The following CD34 variants were observed in gnomAD, a reference collection of about 807,000 sequenced individuals.
CD34 encodes the protein CD34 molecule.
In CD34, 34 loss-of-function variants were observed where a neutral mutation model predicts 40.1. The ratio of observed to expected loss-of-function variants is 0.85; its 90% CI spans 0.65 to 1.13. The LOEUF is 1.13. Among genes scored for constraint, CD34 ranks in the 50% most tolerant of loss-of-function variants. CD34 has a pLI of 0.00. For missense variants in CD34, 426 were observed against 466.9 expected (o/e 0.91, Z 0.81); for synonymous variants, 209 against 190.0 (o/e 1.10, Z -0.82).
intron 1 of CD34, among the ~76,000 whole-genome samples, 193 bp downstream of exon 1, chr1:207,910,809 C>T (rs1662494145): frequency 6.6e-6 from 1 of 152,124 alleles, no homozygotes; most frequent in Non-Finnish European, 1.5e-5. Flanking sequence ...GATGGCCTTC[C>T]CTTCCCCTCC....
chr1:207,903,357 T>A (rs1662316066), intron 1 of CD34, among the ~76,000 whole-genome samples: 1 of 152,208 alleles, frequency 6.6e-6, no homozygotes, highest in South Asian at 2.1e-4. Context: ...TGAGAGCTTG[T>A]CACATCCTAA....
chr1:207,899,202 G>A lies in CD34; in HGVS notation c.287C>T (p.Thr96Ile), dbSNP rs1355231401. 6.2e-7 allele frequency: 1 copy of A among 1,614,148 alleles called. No homozygotes were observed. Among genetic ancestry groups the A allele is most frequent in the Admixed American group, 1.7e-5 (1 of 60,024 alleles). The change falls in exon 3 of 8, where the codon ACC (threonine) becomes ATC (isoleucine). Residue 96 changes from threonine (T) to isoleucine (I), a missense_variant. By Grantham distance (89) the Thr-to-Ile change is moderately conservative. Transcript: ENST00000310833. Reference protein sequence around the residue: ...ITETTVKFTSTSVITSVYGNT... With the variant: ...ITETTVKFTSISVITSVYGNT... The stretch of plus-strand genomic sequence containing the variant: ...TCCATAAACTGAGGTTATCACAGAG[G>A]TAGATGTGAATTTGACTGTCGTTTC...
intron 4 of CD34, among the ~76,000 whole-genome samples, chr1:207,896,978 TCAA>T (rs1264805825): frequency 2.0e-5 from 3 of 152,128 alleles, no homozygotes; most frequent in Non-Finnish European, 2.9e-5. Flanking sequence ...AGGGAGTCAT[TCAA>T]CAAATAATGT....
At chr1:207,898,495 G>T (rs1662197548) in intron 3 of CD34, among the ~76,000 whole-genome samples, 1 of 152,206 alleles carries the variant, frequency 6.6e-6, no homozygotes, top group Non-Finnish European at 1.5e-5. Flanking sequence ...TCCCTGGTCT[G>T]CCCAGTTCCT....
chr1:207,897,647 C>G, intron 3 of CD34, 74 bp from the exon 4 acceptor site: 3 of 1,247,702 alleles, frequency 2.4e-6, no homozygotes, highest in Non-Finnish European at 3.4e-6. Context: ...TCTTTCCCAA[C>G]TTTTTCCAGT....
Position 207,883,805 on chromosome 1 carries a change from CT to C in CD34, c.*3932del, listed in dbSNP as rs1277358445. On this transcript the variant is annotated 3_prime_UTR_variant, in exon 8 of 8. Transcript: ENST00000310833. ...TCCTGTTACCTCTACTTTGAAACCA[CT>C]TTTTGAATTCTGCTTGATCTCATCA... 6.6e-6 allele frequency: 1 copy of C among 152,142 alleles called. No homozygotes were observed. The highest frequency in any genetic ancestry group is 1.5e-5 in the Non-Finnish European group (1 of 68,024). The allele number at this position is 152,142 out of a possible 1,614,324, so 9.4% of individuals were successfully genotyped here.
At chr1:207,897,426 G>C in intron 4 of CD34, 67 bp downstream of exon 4, 1 of 1,162,296 alleles carries the variant, frequency 8.6e-7, no homozygotes, top group Middle Eastern at 2.5e-4. Context: ...AGGTTTAAGG[G>C]TGTTCAGAAG....
In CD34 at chr1:207,889,575, C is replaced by CT. The variant is rs1558117799; in HGVS notation, c.643_644insA (p.Cys215Ter). 6.2e-7 allele frequency: 1 copy of CT among 1,614,214 alleles called. No individual in the cohort carries two copies. The highest frequency in any genetic ancestry group is 1.1e-5 in the South Asian group (1 of 91,080). The change falls in exon 5 of 8, where the codon TGT becomes TAGT. Residue 215 changes from cysteine (C) to a stop codon, truncating the protein, a stop_gained and frameshift_variant. Transcript: ENST00000310833. LOFTEE classifies it high-confidence loss of function. ...ATCAGCATCAGCCTGCTCCTCCCCA[C>CT]ACAGCACTCGGGCCAGGCCCTCTCC... ...DRGEGLARVL[C>*]GEEQADADAG...
intron 4 of CD34, among the ~76,000 whole-genome samples, chr1:207,896,429 T>C (rs1279894691): frequency 1.3e-5 from 2 of 152,186 alleles, no homozygotes; most frequent in East Asian, 3.8e-4. Context: ...CAATATATTG[T>C]AGTAGATAAC....
At position 207,897,597 on chromosome 1, in the gene CD34, C is replaced by T. The variant is rs1278267079; in HGVS notation, c.517-24G>A. ...GCCTGTATTAAAACAAAAACAATAA[C>T]AAAAACAAAGTAAATAAGCCAGTAT... On this transcript the variant is annotated intron_variant, in intron 3 of 7. Transcript: ENST00000310833. 8 of 1,527,578 alleles carry T rather than the reference C, an allele frequency of 5.2e-6. No individual in the cohort carries two copies. In the South Asian group the frequency reaches 8.4e-5, roughly 16 times the overall value. 94.6% of individuals were successfully genotyped at this position (1,527,578 alleles called of 1,614,324 possible).
chr1:207,901,156 C>T (rs1455142826), intron 1 of CD34, among the ~76,000 whole-genome samples: 1 of 152,140 alleles, frequency 6.6e-6, no homozygotes, highest in African/African-American at 2.4e-5. Context: ...AGATGTTACT[C>T]ACCATTCCCA....
chr1:207,899,141 T>C lies in CD34; in HGVS notation c.348A>G (p.Val116=). The change falls in exon 3 of 8, where the codon GTA becomes GTG. Residue 116 remains valine (V), a synonymous_variant. Transcript: ENST00000310833. ...CTGGGGTGGTGAACACTGTGCTGATTACAGAGGTCTGTGACTGGACAGAAG... is the reference window on the plus strand; with the variant it reads ...CTGGGGTGGTGAACACTGTGCTGATCACAGAGGTCTGTGACTGGACAGAAG... The part of the protein sequence containing the change: ...TNSSVQSQTS[V]ISTVFTTPAN... 4 of 1,614,204 alleles carry C rather than the reference T, an allele frequency of 2.5e-6. No individual in the cohort carries two copies. Among genetic ancestry groups the C allele is most frequent in the Non-Finnish European group, 3.4e-6 (4 of 1,180,000 alleles).
At chr1:207,901,273 C>T (rs1662266897) in intron 1 of CD34, among the ~76,000 whole-genome samples, 2 of 152,214 alleles carry the variant, frequency 1.3e-5, no homozygotes, top group South Asian at 4.1e-4. Context: ...TCAGGATGTA[C>T]CCTCTCTTCT....
In CD34 at chr1:207,883,909, C is replaced by T. The variant is rs1661851617; in HGVS notation, c.*3829G>A. 6.6e-6 allele frequency: 1 copy of T among 152,120 alleles called. No individual in the cohort carries two copies. The highest frequency in any genetic ancestry group is 2.1e-4 in the South Asian group (1 of 4,828). 9.4% of individuals were successfully genotyped at this position (152,120 alleles called of 1,614,324 possible). A position where few individuals can be genotyped will look rare whatever the true frequency, so the allele number is the denominator to read the frequency against. On this transcript the variant is annotated 3_prime_UTR_variant, in exon 8 of 8. Transcript: ENST00000310833. ...TCCTTCTACTTTCTTATCCCTCAAC[C>T]TCTATTCTCTACTCAGCAGCCAGCA...
intron 4 of CD34, 74 bp downstream of exon 4, chr1:207,897,419 T>C: frequency 6.3e-6 from 7 of 1,107,216 alleles, no homozygotes; most frequent in Non-Finnish European, 9.4e-6. Context: ...TCCAAGAAGG[T>C]TTAAGGGTGT....
At chr1:207,895,124 A>G (rs929776436) in intron 4 of CD34, among the ~76,000 whole-genome samples, 1 of 152,218 alleles carries the variant, frequency 6.6e-6, no homozygotes, top group Non-Finnish European at 1.5e-5. Context: ...TCTGACACCG[A>G]AAGTACAAAT....
At chr1:207,892,448 G>A (rs2473652) in intron 4 of CD34, among the ~76,000 whole-genome samples, 36,265 of 151,876 alleles carry the variant, frequency 0.24, 5,077 homozygotes, top group Non-Finnish European at 0.33. Flanking sequence ...GCATGGTGGT[G>A]GGCATCTGTA....
intron 4 of CD34, chr1:207,889,937 GCCAA>G: frequency 6.8e-7 from 1 of 1,471,208 alleles, no homozygotes; most frequent in African/African-American, 1.5e-5. Context: ...AAAAGAAATG[GCCAA>G]AAACAGAAAA....
intron 4 of CD34, among the ~76,000 whole-genome samples, chr1:207,895,227 G>A (rs1035454220): frequency 6.6e-6 from 1 of 152,184 alleles, no homozygotes; most frequent in South Asian, 2.1e-4. Context: ...CCAAGGAAAG[G>A]TCATCTTGGA....
Sources: allele counts gnomAD v4.1 joint callset (sites outside exome capture counted in the v4.1 genomes callset), GRCh38; gene constraint gnomAD v4.1.1; transcripts MANE v1.5; gene names NCBI Gene and HGNC (gene_info 2026-07-23, HGNC 2026-07-21).